NHEJ1: variants seen among roughly 807,000 people sequenced by gnomAD.
The protein encoded by NHEJ1 is non-homologous end joining factor 1, also known as non-homologous end-joining factor 1.
NHEJ1 carries 22 observed loss-of-function variants against 39.4 expected under a neutral mutation model. The observed-to-expected ratio is 0.56, with a 90% CI of 0.40 to 0.80. The LOEUF is 0.80. Among genes scored for constraint, NHEJ1 ranks in the 30% least tolerant of loss-of-function variants. The pLI is 0.00. For missense variants in NHEJ1, 329 were observed against 357.1 expected, an observed-to-expected ratio of 0.92 and a Z score of 0.63; for synonymous variants, 154 against 135.6, an observed-to-expected ratio of 1.14 and a Z score of -0.94.
At chr2:219,126,384 T>C (rs1419624483) in intron 5 of NHEJ1, among the ~76,000 whole-genome samples, 2 of 152,234 alleles carry the variant, frequency 1.3e-5, no homozygotes, top group Non-Finnish European at 2.9e-5. Flanking sequence ...TAAGTGGCCC[T>C]AGTGGGCTTT....
At chr2:219,105,521 G>A (rs897075195) in intron 5 of NHEJ1, among the ~76,000 whole-genome samples, 1 of 152,208 alleles carries the variant, frequency 6.6e-6, no homozygotes, top group Non-Finnish European at 1.5e-5. Context: ...ACTGCCTCTA[G>A]AACAGTGACT....
chr2:219,140,721 A>AT (rs1949682795), intron 5 of NHEJ1, among the ~76,000 whole-genome samples: 1 of 152,206 alleles, frequency 6.6e-6, no homozygotes, highest in South Asian at 2.1e-4. Flanking sequence ...AATTTAAGAT[A>AT]TTTTTTAAAC....
chr2:219,140,405 AG>A (rs1949679331), intron 5 of NHEJ1, among the ~76,000 whole-genome samples: 3 of 152,208 alleles, frequency 2.0e-5, no homozygotes, highest in Non-Finnish European at 2.9e-5. Context: ...ATAGGCCAGG[AG>A]GGGGTAGGAG....
intron 5 of NHEJ1, among the ~76,000 whole-genome samples, chr2:219,146,023 G>C (rs1265276801): frequency 6.6e-6 from 1 of 152,006 alleles, no homozygotes; most frequent in Non-Finnish European, 1.5e-5. Flanking sequence ...GGGAGGGAAG[G>C]AGAAGATCAA....
At chr2:219,145,179 C>T (rs1486781264) in intron 5 of NHEJ1, among the ~76,000 whole-genome samples, 3 of 152,152 alleles carry the variant, frequency 2.0e-5, no homozygotes, top group South Asian at 2.1e-4. Flanking sequence ...TGTGCCATGG[C>T]ACTCCAGTCT....
chr2:219,070,817 C>T lies in NHEJ1; in HGVS notation c.*5564G>A, dbSNP rs59226031. 0.016 allele frequency among the ~76,000 whole-genome samples: 2,449 copies of T among 152,264 alleles called. 70 individuals carry two copies. Among genetic ancestry groups the T allele is most frequent in the African/African-American group, 0.056 (2,311 of 41,538 alleles). On this transcript the variant is annotated 3_prime_UTR_variant, in exon 8 of 8. Coordinates refer to ENST00000356853, the MANE Select transcript of NHEJ1 (RefSeq NM_024782.3). ...ACACCTATGAAAGAGGGCAACACAA[C>T]AGACATTACCACTATCAGAAAACCA...
intron 3 of NHEJ1, among the ~76,000 whole-genome samples, chr2:219,151,735 G>C (rs993650403): frequency 6.6e-6 from 1 of 152,146 alleles, no homozygotes; most frequent in Admixed American, 6.6e-5. Flanking sequence ...GGGAAGCTGA[G>C]GTGGGCAGAT....
chr2:219,085,605 A>G (rs1949104731), intron 5 of NHEJ1, among the ~76,000 whole-genome samples: 1 of 152,218 alleles, frequency 6.6e-6, no homozygotes, highest in Non-Finnish European at 1.5e-5. Context: ...ATTAGCCTCC[A>G]GCTCCTGAGC....
chr2:219,079,480 G>C (rs184735510), intron 5 of NHEJ1, among the ~76,000 whole-genome samples: 33 of 152,348 alleles, frequency 2.2e-4, no homozygotes, highest in Admixed American at 1.3e-3. Flanking sequence ...AACCAGTCAG[G>C]ATAGCTGAAA....
intron 5 of NHEJ1, among the ~76,000 whole-genome samples, chr2:219,128,178 G>A (rs1270069030): frequency 2.0e-5 from 3 of 152,276 alleles, no homozygotes; most frequent in African/African-American, 7.2e-5. Context: ...CCCATGATGC[G>A]GTAAGTATAG....
intron 5 of NHEJ1, among the ~76,000 whole-genome samples, chr2:219,085,757 G>A (rs1949106157): frequency 6.9e-6 from 1 of 143,906 alleles, no homozygotes; most frequent in African/African-American, 2.6e-5. Flanking sequence ...TGGGAGAATA[G>A]ATGCAGCCAT....
intron 5 of NHEJ1, among the ~76,000 whole-genome samples, chr2:219,136,892 C>T (rs1484949117): frequency 1.3e-5 from 2 of 152,054 alleles, no homozygotes; most frequent in African/African-American, 4.8e-5. Flanking sequence ...CCTGAGCCAC[C>T]GCACCTGGCC....
chr2:219,105,681 C>CCT (rs1949307048), intron 5 of NHEJ1, among the ~76,000 whole-genome samples: 2 of 152,286 alleles, frequency 1.3e-5, no homozygotes, highest in African/African-American at 4.8e-5. Context: ...GTCTTCCTAT[C>CCT]CTCTAATTAG....
intron 5 of NHEJ1, among the ~76,000 whole-genome samples, chr2:219,121,709 C>T (rs911642783): frequency 6.6e-6 from 1 of 151,916 alleles, no homozygotes; most frequent in African/African-American, 2.4e-5. Context: ...GGACATGCTC[C>T]TAGCTACTTG....
intron 3 of NHEJ1, among the ~76,000 whole-genome samples, chr2:219,148,006 C>A (rs1949759293): frequency 1.3e-5 from 2 of 152,198 alleles, no homozygotes; most frequent in South Asian, 4.1e-4. Context: ...CGTCTGTAAT[C>A]CCAACACTTT....
At chr2:219,152,896 G>A (rs1017266700) in intron 3 of NHEJ1, among the ~76,000 whole-genome samples, 10 of 151,768 alleles carry the variant, frequency 6.6e-5, no homozygotes, top group East Asian at 1.9e-4. Context: ...TCCACCTCCC[G>A]GGTTCAAGCA....
In NHEJ1 at chr2:219,072,042, G is replaced by A. The variant is rs923991825; in HGVS notation, c.*4339C>T. On this transcript the variant is annotated 3_prime_UTR_variant, in exon 8 of 8. Transcript: ENST00000356853. ...AAAAGTCTCAGAAGATGGGATGAAA[G>A]ATCAAGAAAGATGGACTTCTAGATG... 1.3e-5 allele frequency among the ~76,000 whole-genome samples: 2 copies of A among 152,334 alleles called. No individual in the cohort carries two copies. The highest frequency in any genetic ancestry group is 2.1e-4 in the South Asian group (1 of 4,822).
At chr2:219,080,588 TATATATATATGCTA>T in intron 5 of NHEJ1, among the ~76,000 whole-genome samples, 1 of 49,356 alleles carries the variant, frequency 2.0e-5, no homozygotes, top group Admixed American at 1.8e-4. Flanking sequence ...TATATACGCT[TATATATATATGCTA>T]ATATATATAA....
At chr2:219,142,093 A>G (rs1949697076) in intron 5 of NHEJ1, among the ~76,000 whole-genome samples, 1 of 152,130 alleles carries the variant, frequency 6.6e-6, no homozygotes, top group Non-Finnish European at 1.5e-5. Context: ...GGCTGCACTT[A>G]GGATGCTAAG....
Sources: allele counts gnomAD v4.1 joint callset (sites outside exome capture counted in the v4.1 genomes callset), GRCh38; gene constraint gnomAD v4.1.1; transcripts MANE v1.5; gene names NCBI Gene and HGNC (gene_info 2026-07-23, HGNC 2026-07-21).